Variants in C10orf90 observed in about 807,000 individuals in gnomAD.
The protein encoded by C10orf90 is chromosome 10 open reading frame 90.
C10orf90 carries 56 observed loss-of-function variants against 62.5 expected under a neutral mutation model. The ratio of observed to expected loss-of-function variants is 0.90; its 90% CI spans 0.72 to 1.12. The LOEUF (loss-of-function observed/expected upper bound fraction) is 1.12, where lower values mean the gene tolerates loss of function less well. C10orf90 is among the 50% of genes most tolerant of loss of function. C10orf90 has a pLI of 0.00. For synonymous variants in C10orf90, 386 were observed against 340.4 expected (o/e 1.13, Z -1.47); for missense variants, 970 against 880.4 (o/e 1.10, Z -1.29).
intron 4 of C10orf90, among the ~76,000 whole-genome samples, chr10:126,482,525 G>A (rs543923856): frequency 1.3e-5 from 2 of 152,284 alleles, no homozygotes; most frequent in East Asian, 1.9e-4. Context: ...AAGCACAGGT[G>A]AGCAGGAAAT....
chr10:126,599,808 A>G (rs1845160924), intron 2 of C10orf90, among the ~76,000 whole-genome samples: 1 of 152,186 alleles, frequency 6.6e-6, no homozygotes, highest in South Asian at 2.1e-4. Flanking sequence ...AAGAGAGAAT[A>G]TAGTTTGGTA....
intron 1 of C10orf90, among the ~76,000 whole-genome samples, chr10:126,665,587 C>A (rs1230239152): frequency 2.0e-5 from 3 of 152,080 alleles, no homozygotes; most frequent in Non-Finnish European, 4.4e-5. Context: ...GATAGAGTAA[C>A]CAGACAACCG....
At chr10:126,509,653 A>G (rs992132112) in intron 3 of C10orf90, among the ~76,000 whole-genome samples, 22 of 152,182 alleles carry the variant, frequency 1.4e-4, no homozygotes, top group Middle Eastern at 3.2e-3. Flanking sequence ...CAAGTGCTGC[A>G]TTTTCCCAGT....
chr10:126,574,301 G>C (rs1936348496), intron 2 of C10orf90, among the ~76,000 whole-genome samples: 1 of 152,030 alleles, frequency 6.6e-6, no homozygotes, highest in Non-Finnish European at 1.5e-5. Flanking sequence ...AATGTATAAA[G>C]AGTTTCTAAA....
At chr10:126,464,557 C>A in intron 5 of C10orf90, 139 bp downstream of exon 5, 1 of 1,006,864 alleles carries the variant, frequency 9.9e-7, no homozygotes, top group Non-Finnish European at 1.5e-6. Flanking sequence ...CATTTGTCCC[C>A]TCTCTGCTCT....
At chr10:126,570,990 C>T (rs996745149) in intron 2 of C10orf90, among the ~76,000 whole-genome samples, 2 of 152,218 alleles carry the variant, frequency 1.3e-5, no homozygotes, top group African/African-American at 4.8e-5. Context: ...CCATTTCCAT[C>T]CCATCCATTT....
At chr10:126,552,010 G>T (rs966831256) in intron 2 of C10orf90, among the ~76,000 whole-genome samples, 5 of 152,308 alleles carry the variant, frequency 3.3e-5, no homozygotes, top group Admixed American at 3.3e-4. Flanking sequence ...TTAAGAAACT[G>T]GGATACTGTC....
intron 2 of C10orf90, among the ~76,000 whole-genome samples, chr10:126,619,181 C>T (rs1466143306): frequency 2.0e-5 from 3 of 152,182 alleles, no homozygotes; most frequent in Non-Finnish European, 4.4e-5. Context: ...TGTAACAATA[C>T]ATTTATCCAT....
At position 126,495,325 on chromosome 10, in the gene C10orf90, T is replaced by C. The variant is rs372672426; in HGVS notation, c.1534+8632A>G. Among the ~76,000 whole-genome samples the C allele has an allele frequency of 7.2e-5, 11 of 152,214 alleles. No individual in the cohort carries two copies. In the South Asian group the frequency reaches 2.3e-3, roughly 32 times the overall value. On this transcript the variant is annotated intron_variant, in intron 4 of 9. Coordinates refer to ENST00000488181, the MANE Select transcript of C10orf90 (RefSeq NM_001350921.2). ...GATCACCTGAAGCCAGGAGTGAGTG[T>C]GTTTTGAAAACGTACCCCACCCATG...
chr10:126,638,994 A>C (rs1474161482), intron 2 of C10orf90, among the ~76,000 whole-genome samples: 1 of 152,230 alleles, frequency 6.6e-6, no homozygotes, highest in African/African-American at 2.4e-5. Flanking sequence ...TTATGGAATA[A>C]CTTTACGCTG....
chr10:126,625,539 TCTC>T (rs2133821703), intron 2 of C10orf90, among the ~76,000 whole-genome samples: 1 of 152,256 alleles, frequency 6.6e-6, no homozygotes, highest in East Asian at 1.9e-4. Context: ...CTGCCCCCCT[TCTC>T]CTGTCTGGTT....
At chr10:126,652,678 G>T (rs1846314419) in intron 1 of C10orf90, among the ~76,000 whole-genome samples, 1 of 152,136 alleles carries the variant, frequency 6.6e-6, no homozygotes, top group African/African-American at 2.4e-5. Context: ...CACTTGGCTG[G>T]AGATTTCTAT....
At chr10:126,565,275 TTATATTA>T (rs1190851542) in intron 2 of C10orf90, among the ~76,000 whole-genome samples, 1 of 67,982 alleles carries the variant, frequency 1.5e-5, no homozygotes, top group African/African-American at 5.6e-5. Flanking sequence ...ATATTATATA[TTATATTA>T]TATATTATAT....
At chr10:126,523,332 C>T (rs1442839608) in intron 2 of C10orf90, 1 of 152,176 alleles carries the variant, frequency 6.6e-6, no homozygotes, top group South Asian at 2.1e-4. Context: ...GCACCCCGCT[C>T]ATGGGTACCG....
At chr10:126,507,607 G>A (rs568589675) in intron 3 of C10orf90, among the ~76,000 whole-genome samples, 7 of 151,928 alleles carry the variant, frequency 4.6e-5, no homozygotes, top group Non-Finnish European at 7.4e-5. Flanking sequence ...CACATCATGC[G>A]TTGCTTCCTT....
intron 2 of C10orf90, among the ~76,000 whole-genome samples, chr10:126,570,250 A>G (rs931686894): frequency 6.6e-6 from 1 of 152,134 alleles, no homozygotes; most frequent in African/African-American, 2.4e-5. Flanking sequence ...CCCCTTCATT[A>G]AGGTTTATGT....
intron 2 of C10orf90, chr10:126,521,249 A>G: frequency 1.3e-6 from 2 of 1,588,634 alleles, no homozygotes; most frequent in Non-Finnish European, 1.7e-6. Flanking sequence ...TGAACAGATT[A>G]CTTTATATTT....
chr10:126,589,625 G>A (rs1844940624), intron 2 of C10orf90, among the ~76,000 whole-genome samples: 1 of 152,100 alleles, frequency 6.6e-6, no homozygotes, highest in South Asian at 2.1e-4. Context: ...AAGCAAAGGA[G>A]AAATAAGATA....
chr10:126,521,443 A>C lies in C10orf90; in HGVS notation c.314-7504T>G, dbSNP rs935084846. On this transcript the variant is annotated intron_variant, in intron 2 of 9. Coordinates refer to ENST00000488181, the MANE Select transcript of C10orf90 (RefSeq NM_001350921.2). ...TACCTCTGTGGCTAGGCTCAGAATG[A>C]GTCAGGCTTCCACCTTCCAGCCTCG... 3 of 1,537,388 alleles carry C rather than the reference A, an allele frequency of 2.0e-6. No homozygotes were observed. The African/African-American group carries it at 4.2e-5, about 21-fold the overall frequency.
Sources: allele counts gnomAD v4.1 joint callset (sites outside exome capture counted in the v4.1 genomes callset), GRCh38; gene constraint gnomAD v4.1.1; transcripts MANE v1.5; gene names NCBI Gene and HGNC (gene_info 2026-07-23, HGNC 2026-07-21).